KIF16B: variants seen among roughly 807,000 people sequenced by gnomAD.
The protein encoded by KIF16B is kinesin family member 16B.
KIF16B carries 98 observed loss-of-function variants against 156.3 expected under a neutral mutation model. The observed-to-expected ratio is 0.63, with a 90% CI of 0.53 to 0.74. The LOEUF (loss-of-function observed/expected upper bound fraction) is 0.74, where lower values mean the gene tolerates loss of function less well. KIF16B is among the 30% of genes least tolerant of loss of function. The pLI is 0.00. For synonymous variants in KIF16B, 564 were observed against 583.7 expected (o/e 0.97, Z 0.49); for missense variants, 1,421 against 1,606.5 (o/e 0.88, Z 1.97).
At position 16,497,602 on chromosome 20, in the gene KIF16B, G is replaced by A; in HGVS notation, c.1242+11C>T. 1.3e-6 allele frequency: 2 copies of A among 1,595,224 alleles called. No homozygotes were observed. The highest frequency in any genetic ancestry group is 1.7e-6 in the Non-Finnish European group (2 of 1,163,776). ...TTATGATTTAAAAATATAAGTCAAA[G>A]TATCACTTACTCTTGCTTCATTCTG... On this transcript the variant is annotated intron_variant, in intron 11 of 25. Coordinates refer to ENST00000354981, the MANE Select transcript of KIF16B (RefSeq NM_024704.5).
At position 16,573,341 on chromosome 20, in the gene KIF16B, T is replaced by G. The variant is rs2071528264; in HGVS notation, c.-66A>C. 1 of 1,551,712 alleles carries G rather than the reference T, an allele frequency of 6.4e-7. No individual in the cohort carries two copies. The highest frequency in any genetic ancestry group is 8.8e-7 in the Non-Finnish European group (1 of 1,134,562). On this transcript the variant is annotated 5_prime_UTR_variant, in exon 1 of 26. Transcript: ENST00000354981. ...AGAACTCCGCGGTCGCCGGCGACGC[T>G]GGCTACTCAGATCGCGGCTCCCGCC...
At chr20:16,490,779 G>A (rs1434448703) in intron 12 of KIF16B, among the ~76,000 whole-genome samples, 1 of 152,118 alleles carries the variant, frequency 6.6e-6, no homozygotes, top group South Asian at 2.1e-4. Context: ...CCAGTCTGTG[G>A]TATTTTGTTT....
intron 12 of KIF16B, among the ~76,000 whole-genome samples, chr20:16,465,578 C>T (rs965702196): frequency 2.0e-5 from 3 of 152,182 alleles, no homozygotes; most frequent in Non-Finnish European, 2.9e-5. Flanking sequence ...AAAATCTCTA[C>T]ATGAATTATC....
chr20:16,469,181 G>A (rs2067583310), intron 12 of KIF16B, among the ~76,000 whole-genome samples: 1 of 147,272 alleles, frequency 6.8e-6, no homozygotes, highest in South Asian at 2.2e-4. Flanking sequence ...GAGCCCAGGA[G>A]TTGGAGGCTG....
intron 25 of KIF16B, among the ~76,000 whole-genome samples, chr20:16,296,241 T>C (rs1443255170): frequency 6.6e-6 from 1 of 151,930 alleles, no homozygotes; most frequent in African/African-American, 2.4e-5. Context: ...GAGGAGTGAG[T>C]TTATGCAGGA....
At chr20:16,295,724 G>A (rs1448306009) in intron 25 of KIF16B, among the ~76,000 whole-genome samples, 1 of 152,074 alleles carries the variant, frequency 6.6e-6, no homozygotes, top group Non-Finnish European at 1.5e-5. Context: ...CCTTACTCAT[G>A]GGCCATCCAT....
chr20:16,505,841 T>C lies in KIF16B; in HGVS notation c.881A>G (p.Gln294Arg). Residue 294 changes from glutamine (Q) to arginine (R), a missense_variant, in exon 9 of 26, where the codon CAG becomes CGG. Transcript: ENST00000354981. ...CTTTGCAAGAGTATTTGCAGCATCC[T>C]GAGATAAATCAGCTATGAAAAGGAA... The part of the protein sequence containing the change: ...NVISALADLS[Q>R]DAANTLAKKK... 1 of 1,613,888 alleles carries C rather than the reference T, an allele frequency of 6.2e-7. No homozygotes were observed. Among genetic ancestry groups the C allele is most frequent in the South Asian group, 1.1e-5 (1 of 91,054 alleles).
At chr20:16,390,343 T>C (rs191112777) in intron 17 of KIF16B, among the ~76,000 whole-genome samples, 28 of 152,320 alleles carry the variant, frequency 1.8e-4, no homozygotes, top group Non-Finnish European at 4.0e-4. Context: ...CTATTTCTCA[T>C]AGCAATGGTA....
At chr20:16,288,728 TG>T (rs1157093589) in intron 25 of KIF16B, among the ~76,000 whole-genome samples, 21 of 149,686 alleles carry the variant, frequency 1.4e-4, no homozygotes, top group Non-Finnish European at 4.4e-5. Context: ...AAACACAGTA[TG>T]TACTGATGAT....
At chr20:16,274,551 T>A (rs2063032626) in intron 25 of KIF16B, among the ~76,000 whole-genome samples, 1 of 152,244 alleles carries the variant, frequency 6.6e-6, no homozygotes, top group Non-Finnish European at 1.5e-5. Flanking sequence ...TGTCTCAGTG[T>A]GCTTAAAAAA....
intron 15 of KIF16B, among the ~76,000 whole-genome samples, chr20:16,422,393 A>G (rs907025406): frequency 1.3e-5 from 2 of 152,128 alleles, no homozygotes; most frequent in Non-Finnish European, 2.9e-5. Flanking sequence ...CAAATCCACA[A>G]GAGACTATTT....
chr20:16,320,807 T>A (rs1210993609), intron 24 of KIF16B, among the ~76,000 whole-genome samples: 2 of 152,204 alleles, frequency 1.3e-5, no homozygotes, highest in African/African-American at 2.4e-5. Flanking sequence ...GTTAATTTTA[T>A]CTCTGTTAGA....
At chr20:16,366,137 C>G (rs1176451425) in intron 22 of KIF16B, among the ~76,000 whole-genome samples, 1 of 152,080 alleles carries the variant, frequency 6.6e-6, no homozygotes, top group Non-Finnish European at 1.5e-5. Context: ...CAGTTTGCAG[C>G]CTCTTACCTA....
intron 23 of KIF16B, among the ~76,000 whole-genome samples, chr20:16,342,491 A>G (rs58294153): frequency 1.4e-3 from 211 of 152,308 alleles, no homozygotes; most frequent in African/African-American, 3.9e-3. Context: ...AGCATGGCCT[A>G]CTGGAGTCTT....
At chr20:16,302,852 G>C (rs770001681) in intron 25 of KIF16B, among the ~76,000 whole-genome samples, 4 of 152,096 alleles carry the variant, frequency 2.6e-5, no homozygotes, top group Non-Finnish European at 5.9e-5. Flanking sequence ...TATTAACCTT[G>C]TATTCTACAA....
intron 25 of KIF16B, among the ~76,000 whole-genome samples, chr20:16,309,995 T>G (rs559095280): frequency 6.6e-6 from 1 of 152,192 alleles, no homozygotes. Flanking sequence ...GGAAAATAAC[T>G]AAGTTGATTT....
rs532110829 is a variant in KIF16B at position 16,490,514 on chromosome 20, C to T, written c.1302+3777G>A. On this transcript the variant is annotated intron_variant, in intron 12 of 25. Transcript: ENST00000354981. Reference sequence around the variant, plus strand: ...CGAAATCACACCATTGCACTCCAGCCTGGGCAACAAAAGCACAACTCCATC... The same window carrying T: ...CGAAATCACACCATTGCACTCCAGCTTGGGCAACAAAAGCACAACTCCATC... Among the ~76,000 whole-genome samples, 130 of 152,206 alleles carry T rather than the reference C, an allele frequency of 8.5e-4. 2 individuals carry two copies. In the Middle Eastern group the frequency reaches 0.017, roughly 20 times the overall value.
chr20:16,565,596 C>T (rs1017222293), intron 1 of KIF16B, among the ~76,000 whole-genome samples: 1 of 152,214 alleles, frequency 6.6e-6, no homozygotes, highest in African/African-American at 2.4e-5. Context: ...TGCAGCACTG[C>T]TGTTACCCTT....
chr20:16,462,133 C>G (rs1189905354), intron 12 of KIF16B, among the ~76,000 whole-genome samples: 1 of 152,074 alleles, frequency 6.6e-6, no homozygotes, highest in Non-Finnish European at 1.5e-5. Context: ...CCCAGCTACT[C>G]AGGAGGCTGA....
Sources: allele counts gnomAD v4.1 joint callset (sites outside exome capture counted in the v4.1 genomes callset), GRCh38; gene constraint gnomAD v4.1.1; transcripts MANE v1.5; gene names NCBI Gene and HGNC (gene_info 2026-07-23, HGNC 2026-07-21).